Variants in COL11A2 observed in about 807,000 individuals in gnomAD.
COL11A2 encodes the protein collagen type XI alpha 2 chain.
Under a neutral mutation model 273.4 loss-of-function variants are expected in COL11A2, and 116 were observed. That is an observed-to-expected ratio of 0.42 (90% CI 0.36 to 0.49). COL11A2 has a LOEUF of 0.49. COL11A2 is among the 20% of genes least tolerant of loss of function. The pLI is 0.00. For synonymous variants in COL11A2, 782 were observed against 864.2 expected (o/e 0.90, Z 1.67); for missense variants, 1,866 against 2,309.0 (o/e 0.81, Z 3.93).
intron 41 of COL11A2, 96 bp from the exon 42 acceptor site, chr6:33,171,916 G>T: frequency 6.5e-7 from 1 of 1,539,982 alleles, no homozygotes; most frequent in Non-Finnish European, 9.0e-7. Flanking sequence ...CCCAAAATCA[G>T]ATGCATTCTG....
chr6:33,185,922 T>G, intron 5 of COL11A2, 144 bp from the exon 6 acceptor site: 5 of 381,920 alleles, frequency 1.3e-5, no homozygotes, highest in Non-Finnish European at 2.1e-5. Flanking sequence ...GAGTTGAAGA[T>G]GAAAGGAGAG....
rs1180335400 is a variant in COL11A2, at chr6:33,176,288, G to A, written c.2185C>T (p.Arg729Trp). Residue 729 changes from arginine (R) to tryptophan (W), a missense_variant, in exon 28 of 66, where the codon CGG becomes TGG. Transcript: ENST00000341947. This position sits in a 1 kb window ranked among gnomAD's most constrained non-coding sequence, Gnocchi z 4.9. ...TCACCCTTATGACCCTTCAGACCCC[G>A]AATTCCGTCCACACCCTAGAATTAG... Reference protein sequence around the residue: ...PRGVKGVDGIRGLKGHKGEKG... With the variant: ...PRGVKGVDGIWGLKGHKGEKG... The A allele has an allele frequency of 8.1e-6, 13 of 1,606,990 alleles. No homozygotes were observed. The highest frequency in any genetic ancestry group is 1.7e-5 in the Admixed American group (1 of 58,990).
At chr6:33,172,748 C>T (rs993259644) in intron 38 of COL11A2, 111 bp from the exon 39 acceptor site, 5 of 959,002 alleles carry the variant, frequency 5.2e-6, no homozygotes, top group African/African-American at 4.9e-5. Context: ...TTTATCCCTG[C>T]CCCAAAGCTC....
rs114580597 is a variant in COL11A2, at chr6:33,165,778, C to T, written c.4521G>A (p.Gln1507=). The T allele has an allele frequency of 3.1e-3, 4,947 of 1,613,348 alleles. 9 individuals carry two copies. Among genetic ancestry groups the T allele is most frequent in the Non-Finnish European group, 4.0e-3 (4,665 of 1,180,018 alleles). ...CCGAGCGCCGAGTCTTCTTGGGCATCTGAATGGGCAGTGGCTGGATCACCT... is the reference window on the plus strand; with the variant it reads ...CCGAGCGCCGAGTCTTCTTGGGCATTTGAATGGGCAGTGGCTGGATCACCT... ...PGEVIQPLPI[Q]MPKKTRRSVD... is the part of the protein sequence containing the mutation. Residue 1507 remains glutamine, a synonymous_variant, in exon 63 of 66, where the codon CAG becomes CAA. Coordinates refer to ENST00000341947, the MANE Select transcript of COL11A2 (RefSeq NM_080680.3). This position sits in a 1 kb window ranked among gnomAD's most constrained non-coding sequence, Gnocchi z 7.7.
At position 33,180,589 on chromosome 6, in the gene COL11A2, T is replaced by C. The variant is rs576806423; in HGVS notation, c.1284+79A>G. The C allele has an allele frequency of 4.4e-6, 6 of 1,351,890 alleles. No homozygotes were observed. The East Asian group carries it at 1.5e-4, about 34-fold the overall frequency. The allele number at this position is 1,351,890 out of a possible 1,614,324, so 83.7% of individuals were successfully genotyped here. On this transcript the variant is annotated intron_variant, in intron 11 of 65. Transcript: ENST00000341947. ...ATTAACAAGCCACCTAACAGGAAAT[T>C]ACTGGGCATGGTAGCCCCCCGCTTG...
In COL11A2 at chr6:33,164,762, C is replaced by T; in HGVS notation, c.4863+90G>A. 8.5e-7 allele frequency: 1 copy of T among 1,176,450 alleles called. No individual in the cohort carries two copies. Among genetic ancestry groups the T allele is most frequent in the South Asian group, 1.3e-5 (1 of 75,010 alleles). 72.9% of individuals were successfully genotyped at this position (1,176,450 alleles called of 1,614,324 possible). On this transcript the variant is annotated intron_variant, in intron 64 of 65. Coordinates refer to ENST00000341947, the MANE Select transcript of COL11A2 (RefSeq NM_080680.3). The surrounding 1 kb of genome is among the most constrained non-coding windows in gnomAD (Gnocchi z 4.7). ...GGCAGGCTCCGGGGGGGGCAACAGCCAGGGGACTGTCACCAAAACCCAGAA... is the reference window on the plus strand; with the variant it reads ...GGCAGGCTCCGGGGGGGGCAACAGCTAGGGGACTGTCACCAAAACCCAGAA...
At chr6:33,171,994 T>A in intron 41 of COL11A2, 56 bp downstream of exon 41, 1 of 1,604,418 alleles carries the variant, frequency 6.2e-7, no homozygotes, top group Non-Finnish European at 8.5e-7. Context: ...CTCCCACCCT[T>A]CCTCACCCAC....
At chr6:33,191,159 C>T (rs1440603423) in intron 1 of COL11A2, among the ~76,000 whole-genome samples, 4 of 152,216 alleles carry the variant, frequency 2.6e-5, no homozygotes, top group Non-Finnish European at 5.9e-5. Flanking sequence ...CTAAGAAAGA[C>T]TCCTAGAGTC....
rs375937729 is a variant in COL11A2, at chr6:33,188,424, C to T, written c.544G>A (p.Val182Ile). ...TRPLPRSARP[V>I]LDTHGVIIFG... ...ATGATCACTCCATGGGTGTCCAATA[C>T]TGGACGAGCACTTCGGGGGAGAGGC... Residue 182 changes from valine (V) to isoleucine (I), a missense_variant, in exon 4 of 66, where the codon GTA (valine) becomes ATA (isoleucine). Transcript: ENST00000341947. 3.4e-5 allele frequency: 55 copies of T among 1,613,030 alleles called. 1 individual carries two copies. Among genetic ancestry groups the T allele is most frequent in the East Asian group, 2.0e-4 (9 of 44,882 alleles).
chr6:33,178,592 C>A lies in COL11A2; in HGVS notation c.1719+87G>T. 1 of 1,607,156 alleles carries A rather than the reference C, an allele frequency of 6.2e-7. No homozygotes were observed. The highest frequency in any genetic ancestry group is 8.5e-7 in the Non-Finnish European group (1 of 1,175,154). Reference sequence around the variant, plus strand: ...TCCATTACTTTCACTGAGCTCCTGCCAAGCCTCCAGCCTCCCTTCCCTACC... The same window carrying A: ...TCCATTACTTTCACTGAGCTCCTGCAAAGCCTCCAGCCTCCCTTCCCTACC... On this transcript the variant is annotated intron_variant, in intron 18 of 65. Coordinates refer to ENST00000341947, the MANE Select transcript of COL11A2 (RefSeq NM_080680.3). The surrounding 1 kb of genome is among the most constrained non-coding windows in gnomAD (Gnocchi z 4.6).
In COL11A2 at chr6:33,164,328, T is replaced by C. The variant is rs772819589; in HGVS notation, c.5009A>G (p.Asn1670Ser). 2.5e-6 allele frequency: 4 copies of C among 1,612,914 alleles called. No homozygotes were observed. The highest frequency in any genetic ancestry group is 2.2e-5 in the East Asian group (1 of 44,874). Residue 1670 changes from asparagine (N) to serine (S), a missense_variant, in exon 65 of 66, where the codon AAT becomes AGT. Asn to Ser is a conservative substitution (Grantham distance 46, BLOSUM62 1). Coordinates refer to ENST00000341947, the MANE Select transcript of COL11A2 (RefSeq NM_080680.3). The surrounding 1 kb of genome is among the most constrained non-coding windows in gnomAD (Gnocchi z 4.7). ...RDGPLRLRGA[N>S]EDELSPETSP... ...AGTCTCCGGGCTCAGCTCATCCTCA[T>C]TGGCCCCACGGAGTCTCAGGGGACC...
chr6:33,173,386 C>A lies in COL11A2; in HGVS notation c.2698G>T (p.Asp900Tyr). Residue 900 changes from aspartate (D) to tyrosine (Y), a missense_variant, in exon 37 of 66, where the codon GAT becomes TAT. Transcript: ENST00000341947. This position sits in a 1 kb window ranked among gnomAD's most constrained non-coding sequence, Gnocchi z 6.3. ...TGGCCTGGGTGTCCCGGCAGCCCAT[C>A]CTTCCCAGGGGGGCCCTGGAAGGGG... ...PKGPPGPPGKDGLPGHPGQRG... is the reference protein window; with the variant it reads ...PKGPPGPPGKYGLPGHPGQRG... The A allele has an allele frequency of 2.5e-6, 4 of 1,612,778 alleles. No homozygotes were observed. Among genetic ancestry groups the A allele is most frequent in the Non-Finnish European group, 2.5e-6 (3 of 1,179,860 alleles).
At chr6:33,185,615 T>G in intron 6 of COL11A2, 86 bp downstream of exon 6, 3 of 549,336 alleles carry the variant, frequency 5.5e-6, no homozygotes, top group Non-Finnish European at 1.1e-5. Context: ...CCCCACGGCA[T>G]GGGGGAGGGG....
Position 33,180,975 on chromosome 6 carries a change from C to T in COL11A2, c.1210G>A (p.Glu404Lys). Residue 404 changes from glutamate to lysine, a missense_variant, in exon 10 of 66, where the codon GAA becomes AAA. Coordinates refer to ENST00000341947, the MANE Select transcript of COL11A2 (RefSeq NM_080680.3). ...ACTGCTAGACTTACCGCAGGGCCTT[C>T]TGGGCCAGGGGGCCCCTCCACGAGC... ...GMLVEGPPGP[E>K]GPAGLIGPPG... 6.2e-7 allele frequency: 1 copy of T among 1,613,986 alleles called. No homozygotes were observed. Among genetic ancestry groups the T allele is most frequent in the Non-Finnish European group, 8.5e-7 (1 of 1,179,948 alleles).
rs1222321234 is a variant in COL11A2 at position 33,192,153 on chromosome 6, T to C, written c.82+6A>G. The C allele has an allele frequency of 5.1e-6, 8 of 1,554,288 alleles. No individual in the cohort carries two copies. The highest frequency in any genetic ancestry group is 6.1e-6 in the Non-Finnish European group (7 of 1,148,834). ...CCGAGGACCCAGGCATCAGGACTCC[T>C]CTTACCTGCCCAGCCTGGGGCCGCG... On this transcript the variant is annotated splice_donor_region_variant and intron_variant, in intron 1 of 65. Coordinates refer to ENST00000341947, the MANE Select transcript of COL11A2 (RefSeq NM_080680.3).
chr6:33,193,075 T>A (rs1356573490), upstream of COL11A2, among the ~76,000 whole-genome samples: 3 of 150,336 alleles, frequency 2.0e-5, no homozygotes, highest in Non-Finnish European at 4.4e-5. Context: ...GGGGACGCGG[T>A]TAGGGAGTCC....
Position 33,166,203 on chromosome 6 carries a change from G to T in COL11A2, c.4396C>A (p.Pro1466Thr). 1 of 1,600,818 alleles carries T rather than the reference G, an allele frequency of 6.2e-7. No homozygotes were observed. Among genetic ancestry groups the T allele is most frequent in the Admixed American group, 1.8e-5 (1 of 56,768 alleles). The change falls in exon 61 of 66, where the codon CCT becomes ACT. Residue 1466 changes from proline (P) to threonine (T), a missense_variant. Pro to Thr is a conservative substitution (Grantham distance 38, BLOSUM62 -1). Coordinates refer to ENST00000341947, the MANE Select transcript of COL11A2 (RefSeq NM_080680.3). This position sits in a 1 kb window ranked among gnomAD's most constrained non-coding sequence, Gnocchi z 4.8. Reference sequence around the variant, plus strand: ...CCTTTGGCTCCTTTGGGGCCAGCAGGTCCCTGTGAAATGAGGAACAAGAAA... The same window carrying T: ...CCTTTGGCTCCTTTGGGGCCAGCAGTTCCCTGTGAAATGAGGAACAAGAAA... ...GPGGPPGLPG[P>T]AGPKGAKGAT...
chr6:33,177,760 G>A lies in COL11A2; in HGVS notation c.1873-54C>T, dbSNP rs764683170. On this transcript the variant is annotated intron_variant, in intron 21 of 65. Transcript: ENST00000341947. The surrounding 1 kb of genome is among the most constrained non-coding windows in gnomAD (Gnocchi z 5.9). ...TGAAGGTGGCCCGGAGGGACCTGTG[G>A]TTTTCAGAGGCCCGGCCATTCCCGA... 11 of 1,597,430 alleles carry A rather than the reference G, an allele frequency of 6.9e-6. No homozygotes were observed. The highest frequency in any genetic ancestry group is 8.6e-6 in the Non-Finnish European group (10 of 1,166,450).
chr6:33,165,758 C>T lies in COL11A2; in HGVS notation c.4541G>A (p.Arg1514His), dbSNP rs756194499. The change falls in exon 63 of 66, where the codon CGC becomes CAC. Residue 1514 changes from arginine (R) to histidine (H), a missense_variant. Transcript: ENST00000341947. The surrounding 1 kb of genome is among the most constrained non-coding windows in gnomAD (Gnocchi z 7.7). ...CATCAGACGGCTTCCATCCACCGAG[C>T]GCCGAGTCTTCTTGGGCATCTGAAT... ...LPIQMPKKTR[R>H]SVDGSRLMQE... The T allele has an allele frequency of 1.4e-5, 22 of 1,612,408 alleles. No individual in the cohort carries two copies. The highest frequency in any genetic ancestry group is 8.0e-5 in the African/African-American group (6 of 74,886).
Sources: allele counts gnomAD v4.1 joint callset (sites outside exome capture counted in the v4.1 genomes callset), GRCh38; gene constraint gnomAD v4.1.1; non-coding constraint Gnocchi (gnomAD v3.1); transcripts MANE v1.5; gene names NCBI Gene and HGNC (gene_info 2026-07-23, HGNC 2026-07-21).